Variants in TMEM132D observed in about 807,000 individuals in gnomAD.
TMEM132D encodes the protein mature OL transmembrane protein.
Under a neutral mutation model 62.3 loss-of-function variants are expected in TMEM132D, and 21 were observed. The observed-to-expected ratio is 0.34, with a 90% CI of 0.24 to 0.49. TMEM132D has a LOEUF of 0.49. TMEM132D is among the 20% of genes least tolerant of loss of function. The pLI is 0.99. For synonymous variants in TMEM132D, 621 were observed against 575.6 expected (o/e 1.08, Z -1.13); for missense variants, 1,346 against 1,402.8 (o/e 0.96, Z 0.65).
chr12:129,752,696 C>T (rs746274805), intron 1 of TMEM132D, among the ~76,000 whole-genome samples: 3 of 152,154 alleles, frequency 2.0e-5, no homozygotes, highest in Non-Finnish European at 4.4e-5. Flanking sequence ...CAAAACTAAA[C>T]TTGCGGGAAA....
rs1007331141 is a variant in TMEM132D, at chr12:129,073,784, G to T, written c.*91C>A. The T allele has an allele frequency of 8.3e-6, 10 of 1,198,410 alleles. No individual in the cohort carries two copies. The African/African-American group carries it at 1.4e-4, about 16-fold the overall frequency. The allele number at this position is 1,198,410 out of a possible 1,614,324, so 74.2% of individuals were successfully genotyped here. A position where few individuals can be genotyped will look rare whatever the true frequency, so the allele number is the denominator to read the frequency against. ...AGTGTCATCCTTATTTTGTCCTGCT[G>T]CTTTGTTTCTCTTCCGGGGGCACCG... is the stretch of plus-strand genomic sequence containing the variant. On this transcript the variant is annotated 3_prime_UTR_variant, in exon 9 of 9. Coordinates refer to ENST00000422113, the MANE Select transcript of TMEM132D (RefSeq NM_133448.3).
chr12:129,322,437 G>A (rs1354815442), intron 4 of TMEM132D, among the ~76,000 whole-genome samples: 6 of 152,126 alleles, frequency 3.9e-5, no homozygotes, highest in African/African-American at 1.4e-4. Flanking sequence ...ACAATGTTTT[G>A]TGAAGAGGCT....
chr12:129,177,026 T>C (rs1193106688), intron 5 of TMEM132D, among the ~76,000 whole-genome samples: 1 of 152,216 alleles, frequency 6.6e-6, no homozygotes, highest in African/African-American at 2.4e-5. Flanking sequence ...GTTTGGTGCA[T>C]GGCTTGAAAA....
chr12:129,215,766 G>C (rs543115184), intron 4 of TMEM132D, among the ~76,000 whole-genome samples: 1 of 152,282 alleles, frequency 6.6e-6, no homozygotes, highest in South Asian at 2.1e-4. Flanking sequence ...GAGGTTTAAT[G>C]GACTCAGTTC....
At chr12:129,494,708 T>G (rs938819026) in intron 3 of TMEM132D, among the ~76,000 whole-genome samples, 3 of 152,094 alleles carry the variant, frequency 2.0e-5, no homozygotes, top group Non-Finnish European at 2.9e-5. Context: ...GATATGTCCC[T>G]CCTCCAAAAG....
chr12:129,491,900 C>T (rs1490164368), intron 3 of TMEM132D, among the ~76,000 whole-genome samples: 2 of 151,678 alleles, frequency 1.3e-5, no homozygotes, highest in Non-Finnish European at 2.9e-5. Context: ...TGAGATCGTG[C>T]CACTGCACTC....
At chr12:129,267,704 A>G (rs954825364) in intron 4 of TMEM132D, among the ~76,000 whole-genome samples, 1 of 126,202 alleles carries the variant, frequency 7.9e-6, no homozygotes, top group African/African-American at 3.0e-5. Context: ...TATGGAACCA[A>G]AAAAAGAGCC....
chr12:129,834,422 A>G (rs529239814), intron 1 of TMEM132D, among the ~76,000 whole-genome samples: 13 of 151,992 alleles, frequency 8.6e-5, no homozygotes, highest in Non-Finnish European at 4.4e-5. Context: ...AACAGGGCAC[A>G]TGGACCTACA....
At chr12:129,182,021 AG>A (rs1324417009) in intron 5 of TMEM132D, among the ~76,000 whole-genome samples, 1 of 152,190 alleles carries the variant, frequency 6.6e-6, no homozygotes, top group Non-Finnish European at 1.5e-5. Flanking sequence ...AGGTGGCTAC[AG>A]GCAAGAGTGA....
At chr12:129,756,609 G>A (rs1870178228) in intron 1 of TMEM132D, among the ~76,000 whole-genome samples, 1 of 152,188 alleles carries the variant, frequency 6.6e-6, no homozygotes, top group South Asian at 2.1e-4. Flanking sequence ...AAGGGTGATG[G>A]CTGCACAACG....
At chr12:129,868,311 A>T (rs567014251) in intron 1 of TMEM132D, among the ~76,000 whole-genome samples, 1 of 152,360 alleles carries the variant, frequency 6.6e-6, no homozygotes, top group East Asian at 1.9e-4. Flanking sequence ...TGGTACATAC[A>T]TCTGTCCAAA....
chr12:129,167,697 A>G (rs1042133327), intron 5 of TMEM132D, among the ~76,000 whole-genome samples: 1 of 151,990 alleles, frequency 6.6e-6, no homozygotes, highest in Non-Finnish European at 1.5e-5. Context: ...TACTAGATAC[A>G]GCTTAGATCT....
Position 129,895,961 on chromosome 12 carries a change from CTCTTT to C in TMEM132D, c.79+7295_79+7299del, listed in dbSNP as rs1875104424. Among the ~76,000 whole-genome samples, 18 of 99,832 alleles carry C rather than the reference CTCTTT, an allele frequency of 1.8e-4. No individual in the cohort carries two copies. The South Asian group carries it at 3.7e-3, about 20-fold the overall frequency. 65.5% of individuals were successfully genotyped at this position (99,832 alleles called of 152,430 possible). ...AGTCAGGAATTTGATTTCTCTGTCT[CTCTTT>C]TTTTTTTTTTTTTTTTTGTTTGGAG... On this transcript the variant is annotated intron_variant, in intron 1 of 8. Coordinates refer to ENST00000422113, the MANE Select transcript of TMEM132D (RefSeq NM_133448.3).
intron 1 of TMEM132D, among the ~76,000 whole-genome samples, chr12:129,731,819 C>A (rs543674454): frequency 6.6e-6 from 1 of 152,046 alleles, no homozygotes; most frequent in Non-Finnish European, 1.5e-5. Context: ...CCCGCCACCA[C>A]GCCCGGCTAA....
intron 2 of TMEM132D, among the ~76,000 whole-genome samples, chr12:129,651,343 T>G (rs571616322): frequency 1.3e-5 from 2 of 152,330 alleles, no homozygotes; most frequent in Admixed American, 1.3e-4. Flanking sequence ...TGAAAAGCAT[T>G]GCACCAGTGC....
In TMEM132D at chr12:129,691,569, C is replaced by G. The variant is rs1041729355; in HGVS notation, c.968+8241G>C. Among the ~76,000 whole-genome samples the G allele has an allele frequency of 2.6e-5, 4 of 151,974 alleles. 1 individual carries two copies. The highest frequency in any genetic ancestry group is 4.1e-4 in the South Asian group (2 of 4,820). On this transcript the variant is annotated intron_variant, in intron 2 of 8. Coordinates refer to ENST00000422113, the MANE Select transcript of TMEM132D (RefSeq NM_133448.3). Reference sequence around the variant, plus strand: ...GATATATTGCACACCCTGGTGAATACAGTAGATAATAATGCAGTATACATT... The same window carrying G: ...GATATATTGCACACCCTGGTGAATAGAGTAGATAATAATGCAGTATACATT...
intron 3 of TMEM132D, among the ~76,000 whole-genome samples, chr12:129,378,442 T>C (rs191051443): frequency 2.3e-4 from 35 of 152,366 alleles, no homozygotes; most frequent in African/African-American, 7.2e-4. Context: ...CAGACACTTT[T>C]AAAGTTCTCA....
At chr12:129,607,325 G>A (rs890912474) in intron 2 of TMEM132D, among the ~76,000 whole-genome samples, 2 of 152,150 alleles carry the variant, frequency 1.3e-5, no homozygotes, top group Non-Finnish European at 2.9e-5. Flanking sequence ...ATTCCTCGCA[G>A]CAAAAACCTG....
chr12:129,875,475 C>T (rs914408940), intron 1 of TMEM132D, among the ~76,000 whole-genome samples: 16 of 152,302 alleles, frequency 1.1e-4, no homozygotes, highest in South Asian at 2.1e-4. Context: ...TGCCGACGTC[C>T]GACTGCTTGT....
Sources: gnomAD v4.1 joint callset for allele counts (sites outside exome capture counted in the v4.1 genomes callset) on GRCh38, gnomAD v4.1.1 for gene constraint, MANE v1.5 for transcripts, NCBI Gene and HGNC (gene_info 2026-07-23, HGNC 2026-07-21) for gene names.